The following SCFD2 variants were observed in gnomAD, a reference collection of about 807,000 sequenced individuals.
SCFD2 encodes the protein sec1 family domain-containing protein 2.
A neutral mutation model predicts 58.9 loss-of-function variants in SCFD2; 54 were observed. That is an observed-to-expected ratio of 0.92 (90% confidence interval 0.74 to 1.15). The LOEUF (loss-of-function observed/expected upper bound fraction) is 1.15. Ranked by LOEUF, SCFD2 falls within the 50% of genes most tolerant of loss-of-function variation. The pLI is 0.00. For missense variants in SCFD2, 805 were observed against 836.6 expected (o/e 0.96, Z 0.47); for synonymous variants, 321 against 335.9 (o/e 0.96, Z 0.49).
At chr4:52,907,722 G>A (rs1391324143) in intron 6 of SCFD2, 131 bp from the exon 7 acceptor site, 2 of 686,210 alleles carry the variant, frequency 2.9e-6, no homozygotes, top group Non-Finnish European at 5.0e-6. Flanking sequence ...GTGTGTGTGT[G>A]TGTGTGTGTG....
intron 5 of SCFD2, among the ~76,000 whole-genome samples, chr4:52,975,911 A>T (rs1721247249): frequency 6.6e-6 from 1 of 151,660 alleles, no homozygotes; most frequent in Admixed American, 6.6e-5. Flanking sequence ...TTCTCAGCAA[A>T]CTATCGCAAG....
At chr4:52,899,264 G>T (rs1021140600) in intron 7 of SCFD2, among the ~76,000 whole-genome samples, 1 of 152,134 alleles carries the variant, frequency 6.6e-6, no homozygotes, top group African/African-American at 2.4e-5. Flanking sequence ...TTACAATTTG[G>T]CATGTTTTTG....
chr4:53,148,827 T>C (rs1353355044), intron 4 of SCFD2, among the ~76,000 whole-genome samples: 4 of 152,178 alleles, frequency 2.6e-5, no homozygotes, highest in Admixed American at 2.6e-4. Flanking sequence ...CTGGGCAACA[T>C]AGCGAGACTC....
chr4:53,124,202 A>T (rs1315418293), intron 5 of SCFD2, among the ~76,000 whole-genome samples: 1 of 152,192 alleles, frequency 6.6e-6, no homozygotes, highest in African/African-American at 2.4e-5. Context: ...ATTAATTCCT[A>T]TCAGTGCTGT....
chr4:53,198,615 T>C (rs908169943), intron 4 of SCFD2, among the ~76,000 whole-genome samples: 24 of 151,998 alleles, frequency 1.6e-4, no homozygotes, highest in African/African-American at 4.8e-4. Context: ...TTGTCCATTT[T>C]TGTTTAAGTT....
intron 5 of SCFD2, among the ~76,000 whole-genome samples, chr4:52,943,260 C>A (rs1720338714): frequency 6.8e-6 from 1 of 146,052 alleles, no homozygotes; most frequent in Non-Finnish European, 1.5e-5. Flanking sequence ...CAAAACAAAA[C>A]AAAACAAAAA....
chr4:53,216,571 A>G (rs886926249), intron 4 of SCFD2, among the ~76,000 whole-genome samples: 5 of 151,610 alleles, frequency 3.3e-5, no homozygotes, highest in African/African-American at 1.2e-4. Context: ...CTGTCTATCA[A>G]TTTTGCTGAT....
intron 3 of SCFD2, among the ~76,000 whole-genome samples, chr4:53,304,941 G>A (rs1357238346): frequency 6.6e-6 from 1 of 151,934 alleles, no homozygotes; most frequent in East Asian, 1.9e-4. Flanking sequence ...TTTTGTGCTG[G>A]TTTCTCCCCA....
At chr4:52,929,899 A>G (rs1054806375) in intron 5 of SCFD2, among the ~76,000 whole-genome samples, 1 of 152,218 alleles carries the variant, frequency 6.6e-6, no homozygotes, top group African/African-American at 2.4e-5. Flanking sequence ...ATGCTCATGG[A>G]TAGAATCAAT....
At chr4:53,098,512 T>C (rs1724731292) in intron 5 of SCFD2, among the ~76,000 whole-genome samples, 1 of 152,210 alleles carries the variant, frequency 6.6e-6, no homozygotes, top group Non-Finnish European at 1.5e-5. Flanking sequence ...CAGAGGTGTT[T>C]ATAGTATTCT....
chr4:52,912,590 G>A (rs1560478846), intron 6 of SCFD2, among the ~76,000 whole-genome samples: 1 of 152,136 alleles, frequency 6.6e-6, no homozygotes, highest in Non-Finnish European at 1.5e-5. Flanking sequence ...TGTATTCAGA[G>A]AGCACAATTT....
At chr4:52,964,586 G>A (rs531522316) in intron 5 of SCFD2, among the ~76,000 whole-genome samples, 1 of 152,214 alleles carries the variant, frequency 6.6e-6, no homozygotes, top group Admixed American at 6.5e-5. Context: ...TGAATTAATG[G>A]TTCCAGGTAA....
intron 5 of SCFD2, among the ~76,000 whole-genome samples, chr4:52,947,817 T>G (rs1455989366): frequency 6.7e-6 from 1 of 149,652 alleles, no homozygotes; most frequent in Non-Finnish European, 1.5e-5. Flanking sequence ...AAAAAAAAAT[T>G]GAAAGATACC....
intron 5 of SCFD2, among the ~76,000 whole-genome samples, chr4:53,105,071 A>G (rs1194559508): frequency 7.9e-5 from 12 of 152,240 alleles, no homozygotes; most frequent in African/African-American, 2.4e-4. Flanking sequence ...GCCTTACCCC[A>G]GAAGTGCAAG....
intron 4 of SCFD2, among the ~76,000 whole-genome samples, chr4:53,204,707 C>A (rs1728355898): frequency 7.2e-6 from 1 of 139,716 alleles, no homozygotes; most frequent in African/African-American, 2.7e-5. Context: ...GAAAGAGTAC[C>A]CAGCATACTA....
intron 5 of SCFD2, among the ~76,000 whole-genome samples, chr4:53,009,453 G>A (rs1722049439): frequency 1.3e-5 from 2 of 152,172 alleles, no homozygotes; most frequent in Admixed American, 1.3e-4. Flanking sequence ...AGAACACATG[G>A]TATGCAGAGA....
chr4:52,902,542 C>T (rs1328652767), intron 7 of SCFD2, among the ~76,000 whole-genome samples: 1 of 152,232 alleles, frequency 6.6e-6, no homozygotes, highest in Non-Finnish European at 1.5e-5. Context: ...TGCTTGAGCA[C>T]TGGCTATGTA....
chr4:52,892,989 G>T (rs1317170134), intron 7 of SCFD2, among the ~76,000 whole-genome samples: 1 of 152,104 alleles, frequency 6.6e-6, no homozygotes, highest in Non-Finnish European at 1.5e-5. Flanking sequence ...TGCAAATACT[G>T]AACCCTATTT....
At chr4:53,187,001 T>C (rs1317109511) in intron 4 of SCFD2, among the ~76,000 whole-genome samples, 68 of 151,528 alleles carry the variant, frequency 4.5e-4, no homozygotes, top group African/African-American at 4.8e-5. Context: ...GAGTTGACTG[T>C]AAAAAGAAAA....
Sources: allele counts gnomAD v4.1 joint callset (sites outside exome capture counted in the v4.1 genomes callset), GRCh38; gene constraint gnomAD v4.1.1; transcripts MANE v1.5; gene names NCBI Gene and HGNC (gene_info 2026-07-23, HGNC 2026-07-21).